The following HS6ST3 variants were observed in gnomAD, a reference collection of about 807,000 sequenced individuals.
HS6ST3 encodes heparan-sulfate 6-O-sulfotransferase 3.
Under a neutral mutation model 36.7 loss-of-function variants are expected in HS6ST3, and 12 were observed. That is an observed-to-expected ratio of 0.33 (90% confidence interval 0.21 to 0.53). The LOEUF is 0.53. Ranked by LOEUF, HS6ST3 falls within the 20% of genes least tolerant of loss-of-function variation. HS6ST3 has a pLI of 0.95. For missense variants in HS6ST3, 584 were observed against 640.9 expected, an observed-to-expected ratio of 0.91 and a Z score of 0.96; for synonymous variants, 240 against 257.5, an observed-to-expected ratio of 0.93 and a Z score of 0.65.
chr13:96,544,155 G>T (rs758227166), intron 1 of HS6ST3, among the ~76,000 whole-genome samples: 66 of 152,204 alleles, frequency 4.3e-4, no homozygotes, highest in Middle Eastern at 3.4e-3. Flanking sequence ...ACTGACATCT[G>T]ATAAACATCC....
intron 1 of HS6ST3, among the ~76,000 whole-genome samples, chr13:96,659,180 G>A (rs762215691): frequency 2.0e-5 from 3 of 152,202 alleles, no homozygotes; most frequent in Admixed American, 6.5e-5. Flanking sequence ...TTGCCAACAA[G>A]TGGCATTGTC....
chr13:96,475,657 G>T (rs1395305935), intron 1 of HS6ST3, among the ~76,000 whole-genome samples: 1 of 149,158 alleles, frequency 6.7e-6, no homozygotes, highest in Non-Finnish European at 1.5e-5. Flanking sequence ...GTCCTAAATT[G>T]TTCTGAATTT....
chr13:96,534,840 C>G (rs951630440), intron 1 of HS6ST3, among the ~76,000 whole-genome samples: 10 of 152,094 alleles, frequency 6.6e-5, no homozygotes, highest in African/African-American at 2.4e-4. Flanking sequence ...GTGCCTATAG[C>G]CCCAGCTACT....
chr13:96,799,756 A>G (rs550628062), intron 1 of HS6ST3, among the ~76,000 whole-genome samples: 2 of 149,810 alleles, frequency 1.3e-5, no homozygotes, highest in South Asian at 2.1e-4. Flanking sequence ...CATTGTGCAC[A>G]TGTACCCTAA....
At chr13:96,599,745 T>C (rs1031062228) in intron 1 of HS6ST3, among the ~76,000 whole-genome samples, 8 of 152,140 alleles carry the variant, frequency 5.3e-5, no homozygotes, top group African/African-American at 1.7e-4. Flanking sequence ...TTGTGATCTT[T>C]CTGTCCTTTT....
intron 1 of HS6ST3, among the ~76,000 whole-genome samples, chr13:96,591,541 G>A (rs2056382314): frequency 6.6e-6 from 1 of 151,922 alleles, no homozygotes; most frequent in African/African-American, 2.4e-5. Context: ...ATTATATGTT[G>A]ATTTTGTATC....
chr13:96,650,223 G>A (rs1182355842), intron 1 of HS6ST3, among the ~76,000 whole-genome samples: 1 of 151,886 alleles, frequency 6.6e-6, no homozygotes, highest in Admixed American at 6.6e-5. Flanking sequence ...CATACCTATT[G>A]TTTACCATGT....
intron 1 of HS6ST3, among the ~76,000 whole-genome samples, chr13:96,808,281 C>T (rs993628963): frequency 6.6e-5 from 10 of 152,308 alleles, no homozygotes; most frequent in Middle Eastern, 3.4e-3. Context: ...TAGGATTGCA[C>T]ATCCTGACCC....
At chr13:96,647,750 GT>G (rs72122913) in intron 1 of HS6ST3, among the ~76,000 whole-genome samples, 17 of 150,540 alleles carry the variant, frequency 1.1e-4, no homozygotes, top group African/African-American at 2.2e-4. Context: ...AATGCTAAAT[GT>G]TTTTTTTTCT....
chr13:96,251,604 A>G (rs974406829), intron 1 of HS6ST3, among the ~76,000 whole-genome samples: 2 of 151,648 alleles, frequency 1.3e-5, no homozygotes, highest in South Asian at 4.2e-4. Context: ...TTTTCCTTCT[A>G]ATGTTGGGCT....
chr13:96,455,792 G>C (rs1015261163), intron 1 of HS6ST3, among the ~76,000 whole-genome samples: 3 of 152,060 alleles, frequency 2.0e-5, no homozygotes, highest in African/African-American at 7.2e-5. Context: ...TTCATATTCA[G>C]GTTGTTAGCT....
rs995311373 is a variant in HS6ST3 at position 96,837,479 on chromosome 13, A to G, written c.*4281A>G. On this transcript the variant is annotated 3_prime_UTR_variant, in exon 2 of 2. Coordinates refer to ENST00000376705, the MANE Select transcript of HS6ST3 (RefSeq NM_153456.4). ...CTTAGAGCCCCAGCCTTTTGACTTC[A>G]TAGTCTTTCCGACTACTTTATGCAG... 6.6e-6 allele frequency: 1 copy of G among 152,246 alleles called. No homozygotes were observed. Among genetic ancestry groups the G allele is most frequent in the Non-Finnish European group, 1.5e-5 (1 of 68,052 alleles). The allele number at this position is 152,246 out of a possible 1,614,324, so 9.4% of individuals were successfully genotyped here.
At chr13:96,733,836 C>T (rs927338736) in intron 1 of HS6ST3, among the ~76,000 whole-genome samples, 7 of 152,122 alleles carry the variant, frequency 4.6e-5, no homozygotes, top group Non-Finnish European at 7.4e-5. Context: ...TGATTGGCTT[C>T]CTGTCTCTCT....
At chr13:96,799,660 T>C (rs544991033) in intron 1 of HS6ST3, among the ~76,000 whole-genome samples, 6 of 150,046 alleles carry the variant, frequency 4.0e-5, no homozygotes, top group South Asian at 2.2e-4. Flanking sequence ...AGGGATAGCA[T>C]TGGGAGATAT....
chr13:96,299,605 C>A (rs182947353), intron 1 of HS6ST3, among the ~76,000 whole-genome samples: 12 of 152,204 alleles, frequency 7.9e-5, no homozygotes, highest in Non-Finnish European at 1.3e-4. Context: ...AAAGGAAAGT[C>A]TCTAGAGGCA....
At chr13:96,590,461 A>T (rs965918525) in intron 1 of HS6ST3, among the ~76,000 whole-genome samples, 19 of 150,386 alleles carry the variant, frequency 1.3e-4, no homozygotes, top group South Asian at 8.4e-4. Context: ...ATATTTTCAT[A>T]TTTTTTTTTC....
chr13:96,227,741 A>G (rs2054487775), intron 1 of HS6ST3, among the ~76,000 whole-genome samples: 1 of 152,178 alleles, frequency 6.6e-6, no homozygotes, highest in African/African-American at 2.4e-5. Context: ...ATGTCTTCTT[A>G]TATTAATTTC....
chr13:96,229,782 C>A (rs929432987), intron 1 of HS6ST3, among the ~76,000 whole-genome samples: 3 of 148,230 alleles, frequency 2.0e-5, no homozygotes, highest in African/African-American at 7.9e-5. Flanking sequence ...CAGGGGGAGA[C>A]CCCCCCCTTT....
intron 1 of HS6ST3, among the ~76,000 whole-genome samples, chr13:96,306,681 G>A (rs1220441904): frequency 6.6e-6 from 1 of 152,076 alleles, no homozygotes; most frequent in Non-Finnish European, 1.5e-5. Context: ...CAGTTGCTGT[G>A]CTTGTCCTGT....
Sources: gnomAD v4.1 joint callset for allele counts (sites outside exome capture counted in the v4.1 genomes callset) on GRCh38, gnomAD v4.1.1 for gene constraint, MANE v1.5 for transcripts, NCBI Gene and HGNC (gene_info 2026-07-23, HGNC 2026-07-21) for gene names.